The following INTS8 variants were observed in gnomAD, a reference collection of about 807,000 sequenced individuals.
INTS8 encodes integrator complex subunit 8.
INTS8 carries 47 observed loss-of-function variants against 138.9 expected under a neutral mutation model. The observed-to-expected ratio is 0.34, with a 90% confidence interval of 0.27 to 0.43. INTS8 has a LOEUF of 0.43. INTS8 is among the 20% of genes least tolerant of loss of function. The probability of loss-of-function intolerance (pLI) is 1.00; values close to 1 mark genes in which losing one functional copy is unlikely to be tolerated. For synonymous variants in INTS8, 392 were observed against 400.9 expected (o/e 0.98, Z 0.27); for missense variants, 996 against 1,173.0 (o/e 0.85, Z 2.20).
Position 94,841,545 on chromosome 8 carries a change from T to C in INTS8, c.1072T>C (p.Phe358Leu), listed in dbSNP as rs1198319891. ...CTTAACCTTGAGTTTACCTGTCCAG[T>C]TCCGACAGTCAGTCCTAAGAGAACT... ...DNLTLSLPVQ[F>L]RQSVLRELFK... Residue 358 changes from phenylalanine (F) to leucine (L), a missense_variant, in exon 9 of 27, where the codon TTC (phenylalanine) becomes CTC (leucine). Physicochemically the swap from Phe to Leu is conservative, Grantham distance 22. Coordinates refer to ENST00000523731, the MANE Select transcript of INTS8 (RefSeq NM_017864.4). 1.9e-6 allele frequency: 3 copies of C among 1,609,974 alleles called. No homozygotes were observed. Among genetic ancestry groups the C allele is most frequent in the South Asian group, 2.2e-5 (2 of 90,512 alleles).
intron 10 of INTS8, among the ~76,000 whole-genome samples, chr8:94,843,593 T>C (rs1316458975): frequency 6.6e-6 from 1 of 152,038 alleles, no homozygotes; most frequent in Non-Finnish European, 1.5e-5. Flanking sequence ...GAATATTATA[T>C]GGACCACGCC....
chr8:94,854,033 A>C (rs1401703958), intron 14 of INTS8, 118 bp downstream of exon 14: 2 of 586,614 alleles, frequency 3.4e-6, no homozygotes, highest in Non-Finnish European at 3.1e-6. Flanking sequence ...AACTGAGGTC[A>C]AGACCAGCCT....
chr8:94,832,199 G>A lies in INTS8; in HGVS notation c.753+25G>A, dbSNP rs547782053. The A allele has an allele frequency of 2.4e-5, 38 of 1,585,900 alleles. 1 individual carries two copies. The highest frequency in any genetic ancestry group is 1.9e-4 in the South Asian group (16 of 86,110). ...GGTATTCATTTGATACTTAATTTAC[G>A]TAGGGCAATTTTTTGGAAAATCTTA... On this transcript the variant is annotated intron_variant, in intron 6 of 26. Transcript: ENST00000523731.
At chr8:94,832,939 C>T (rs1814780935) in intron 6 of INTS8, among the ~76,000 whole-genome samples, 1 of 151,942 alleles carries the variant, frequency 6.6e-6, no homozygotes. Flanking sequence ...CAGGCGTGAG[C>T]CACCGCGCCC....
chr8:94,870,286 C>T (rs968937602), intron 20 of INTS8, among the ~76,000 whole-genome samples: 4 of 151,752 alleles, frequency 2.6e-5, no homozygotes, highest in Admixed American at 1.3e-4. Flanking sequence ...CTCCTGACCT[C>T]GTGATCCACC....
At chr8:94,853,506 A>G (rs923462136) in intron 13 of INTS8, among the ~76,000 whole-genome samples, 4 of 152,224 alleles carry the variant, frequency 2.6e-5, no homozygotes, top group African/African-American at 2.4e-5. Context: ...GTAGTAGCAT[A>G]ATAGTACTTA....
chr8:94,841,430 TA>T lies in INTS8; in HGVS notation c.1018-58del, dbSNP rs535264483. The T allele has an allele frequency of 2.6e-5, 20 of 763,756 alleles. 1 individual carries two copies. The South Asian group carries it at 3.3e-4, about 13-fold the overall frequency. The allele number at this position is 763,756 out of a possible 1,614,324, so 47.3% of individuals were successfully genotyped here. On this transcript the variant is annotated intron_variant, in intron 8 of 26. Transcript: ENST00000523731. ...ATTTTCCATTATAGAAAGACTTGTT[TA>T]AAGTAAAAAAACTTTACCATGATTT...
intron 14 of INTS8, 56 bp from the exon 15 acceptor site, chr8:94,856,721 C>A: frequency 7.0e-7 from 1 of 1,438,760 alleles, no homozygotes; most frequent in Non-Finnish European, 9.8e-7. Context: ...CATAAAGGCA[C>A]ACATTTTTTG....
chr8:94,826,038 T>C (rs533634473), intron 2 of INTS8, among the ~76,000 whole-genome samples: 1 of 152,358 alleles, frequency 6.6e-6, no homozygotes, highest in Admixed American at 6.5e-5. Flanking sequence ...AGTTTATTTC[T>C]AGTTTTTCAC....
intron 5 of INTS8, among the ~76,000 whole-genome samples, chr8:94,831,142 A>G (rs1173937691): frequency 1.4e-5 from 2 of 139,678 alleles, no homozygotes; most frequent in Non-Finnish European, 3.1e-5. Context: ...TAGACAGAAT[A>G]TTACTCTGTC....
At chr8:94,835,506 G>T (rs148021284) in intron 6 of INTS8, among the ~76,000 whole-genome samples, 1 of 152,218 alleles carries the variant, frequency 6.6e-6, no homozygotes, top group African/African-American at 2.4e-5. Flanking sequence ...CGGTAGACGT[G>T]CACCATCTTC....
At chr8:94,828,443 G>C (rs1165658772) in intron 4 of INTS8, among the ~76,000 whole-genome samples, 1 of 152,168 alleles carries the variant, frequency 6.6e-6, no homozygotes, top group Non-Finnish European at 1.5e-5. Flanking sequence ...GATCGTATCT[G>C]GAGGTTTTCT....
chr8:94,870,843 T>C (rs1250060400), intron 20 of INTS8, among the ~76,000 whole-genome samples: 1 of 152,190 alleles, frequency 6.6e-6, no homozygotes, highest in Non-Finnish European at 1.5e-5. Flanking sequence ...CCTTGTGCTT[T>C]ACTGCTCTTA....
rs1814355674 is a variant in INTS8, at chr8:94,823,438, G to A, written c.7G>A (p.Ala3Thr). 2.6e-6 allele frequency: 4 copies of A among 1,530,860 alleles called. No individual in the cohort carries two copies. Among genetic ancestry groups the A allele is most frequent in the South Asian group, 1.2e-5 (1 of 81,326 alleles). 94.8% of individuals were successfully genotyped at this position (1,530,860 alleles called of 1,614,324 possible). A position where few individuals can be genotyped will look rare whatever the true frequency, so the allele number is the denominator to read the frequency against. The change falls in exon 1 of 27, where the codon GCG (alanine) becomes ACG (threonine). Residue 3 changes from alanine (A) to threonine (T), a missense_variant. Coordinates refer to ENST00000523731, the MANE Select transcript of INTS8 (RefSeq NM_017864.4). ...TAGCGGCGGCGGGGGCAGGATGAGC[G>A]CGGAGGCGGCGGACCGGGAGGCGGC... MS[A>T]EAADREAATS...
At chr8:94,824,131 A>AATT (rs1353929651) in intron 1 of INTS8, among the ~76,000 whole-genome samples, 1 of 152,230 alleles carries the variant, frequency 6.6e-6, no homozygotes, top group Non-Finnish European at 1.5e-5. Flanking sequence ...GATAATGATT[A>AATT]ATAGCCCAGT....
intron 26 of INTS8, 51 bp downstream of exon 26, chr8:94,876,540 C>G: frequency 8.3e-7 from 1 of 1,199,184 alleles, no homozygotes; most frequent in Non-Finnish European, 1.2e-6. Context: ...GAATATTAAA[C>G]AATTGTTAAG....
In INTS8 at chr8:94,874,941, A is replaced by G. The variant is rs552244284; in HGVS notation, c.2688+339A>G. 8.5e-5 allele frequency among the ~76,000 whole-genome samples: 13 copies of G among 152,338 alleles called. No individual in the cohort carries two copies. The East Asian group carries it at 1.7e-3, about 20-fold the overall frequency. On this transcript the variant is annotated intron_variant, in intron 23 of 26. Transcript: ENST00000523731. Reference sequence around the variant, plus strand: ...CTACCCACTGGGATGGCTGTAATCTAAACACATTTAAAAACAAATGTTGGT... The same window carrying G: ...CTACCCACTGGGATGGCTGTAATCTGAACACATTTAAAAACAAATGTTGGT...
intron 15 of INTS8, among the ~76,000 whole-genome samples, 188 bp downstream of exon 15, chr8:94,857,166 G>A (rs1255286527): frequency 6.7e-6 from 1 of 148,180 alleles, no homozygotes; most frequent in Non-Finnish European, 1.5e-5. Flanking sequence ...TCTGCCTCCC[G>A]GGTTAAAGTG....
At chr8:94,877,311 AT>A (rs1262711020) in intron 26 of INTS8, among the ~76,000 whole-genome samples, 3 of 152,190 alleles carry the variant, frequency 2.0e-5, no homozygotes, top group African/African-American at 7.2e-5. Context: ...AAAAAATGCT[AT>A]TTATTAAGGG....
Sources: allele counts gnomAD v4.1 joint callset (sites outside exome capture counted in the v4.1 genomes callset), GRCh38; gene constraint gnomAD v4.1.1; transcripts MANE v1.5; gene names NCBI Gene and HGNC (gene_info 2026-07-23, HGNC 2026-07-21).